Variants in DPY19L2 observed in about 807,000 individuals in gnomAD.
DPY19L2 encodes dpy-19 like 2, also known as probable C-mannosyltransferase DPY19L2.
Under a neutral mutation model 97.9 loss-of-function variants are expected in DPY19L2, and 34 were observed. The observed-to-expected ratio is 0.35, with a 90% CI of 0.26 to 0.46. DPY19L2 has a LOEUF of 0.46. DPY19L2 is among the 20% of genes least tolerant of loss of function. DPY19L2 has a pLI of 1.00. For missense variants in DPY19L2, 623 were observed against 911.4 expected, an observed-to-expected ratio of 0.68 and a Z score of 4.07; for synonymous variants, 230 against 307.9, an observed-to-expected ratio of 0.75 and a Z score of 2.65.
intron 16 of DPY19L2, among the ~76,000 whole-genome samples, chr12:63,592,661 C>T (rs1264598820): frequency 4.8e-5 from 7 of 145,118 alleles, no homozygotes; most frequent in Non-Finnish European, 1.1e-4. Flanking sequence ...AAGACTTAAA[C>T]GTTAGACCTA....
intron 19 of DPY19L2, among the ~76,000 whole-genome samples, chr12:63,574,210 CT>C (rs1367818565): frequency 6.6e-6 from 1 of 151,916 alleles, no homozygotes; most frequent in Non-Finnish European, 1.5e-5. Context: ...TATTAGCTTT[CT>C]TTTGGCTTAT....
intron 4 of DPY19L2, among the ~76,000 whole-genome samples, chr12:63,648,482 A>T (rs1287546954): frequency 6.6e-6 from 1 of 151,344 alleles, no homozygotes; most frequent in Non-Finnish European, 1.5e-5. Flanking sequence ...GCTGGAGTGC[A>T]GTGGCATGAT....
At chr12:63,562,188 C>T (rs1367072381) in intron 21 of DPY19L2, among the ~76,000 whole-genome samples, 3 of 152,128 alleles carry the variant, frequency 2.0e-5, no homozygotes, top group African/African-American at 7.2e-5. Context: ...TAGGTATACA[C>T]TTGTAAAACA....
intron 16 of DPY19L2, 191 bp from the exon 17 acceptor site, chr12:63,584,027 T>C: frequency 3.7e-6 from 2 of 542,672 alleles, no homozygotes; most frequent in South Asian, 2.4e-5. Flanking sequence ...TCATAATTTA[T>C]AGTCATCCTA....
intron 16 of DPY19L2, among the ~76,000 whole-genome samples, chr12:63,591,430 A>T (rs1882882321): frequency 6.6e-6 from 1 of 152,220 alleles, no homozygotes; most frequent in Non-Finnish European, 1.5e-5. Context: ...ATATACCCAT[A>T]TAACAAGACT....
At chr12:63,615,913 C>A (rs2137739052) in intron 11 of DPY19L2, among the ~76,000 whole-genome samples, 1 of 151,948 alleles carries the variant, frequency 6.6e-6, no homozygotes, top group South Asian at 2.1e-4. Context: ...ATTCAACCAA[C>A]AGCAGATAGA....
At chr12:63,654,137 G>A (rs1401415590) in intron 4 of DPY19L2, among the ~76,000 whole-genome samples, 3 of 151,986 alleles carry the variant, frequency 2.0e-5, no homozygotes, top group East Asian at 1.9e-4. Context: ...GAACATCAAA[G>A]AGGAAGAAAT....
chr12:63,600,451 T>C (rs1884949111), intron 12 of DPY19L2, 65 bp from the exon 13 acceptor site: 1 of 1,284,388 alleles, frequency 7.8e-7, no homozygotes, highest in Non-Finnish European at 1.1e-6. Context: ...TATTCAATTA[T>C]GTCTACAAAT....
At chr12:63,594,226 A>G in intron 15 of DPY19L2, 93 bp from the exon 16 acceptor site, 1 of 989,826 alleles carries the variant, frequency 1.0e-6, no homozygotes, top group South Asian at 1.6e-5. Flanking sequence ...CTGCCAAGGA[A>G]AGAAGTATTT....
In DPY19L2 at chr12:63,628,114, C is replaced by T. The variant is rs550503415; in HGVS notation, c.804-1588G>A. ...AGCCAAGATGGCCGAATAGGAACAG[C>T]TCCAGTCTACAGCTCCCAGCATGAG... On this transcript the variant is annotated intron_variant, in intron 6 of 21. Coordinates refer to ENST00000324472, the MANE Select transcript of DPY19L2 (RefSeq NM_173812.5). 3.3e-5 allele frequency among the ~76,000 whole-genome samples: 5 copies of T among 152,236 alleles called. No individual in the cohort carries two copies. The East Asian group carries it at 7.7e-4, about 24-fold the overall frequency.
rs1895867674 is a variant in DPY19L2, at chr12:63,662,888, G to A, written c.450+870C>T. On this transcript the variant is annotated intron_variant, in intron 3 of 21. Coordinates refer to ENST00000324472, the MANE Select transcript of DPY19L2 (RefSeq NM_173812.5). ...GCAGTGACTGAGGGGCCTGGCATAG[G>A]CAAAATCACAGAGACAGAAAATAGA... is the stretch of plus-strand genomic sequence containing the variant. Among the ~76,000 whole-genome samples the A allele has an allele frequency of 2.0e-5, 3 of 152,278 alleles. No homozygotes were observed. The South Asian group carries it at 6.2e-4, about 32-fold the overall frequency.
intron 6 of DPY19L2, among the ~76,000 whole-genome samples, chr12:63,638,180 A>T (rs886446965): frequency 5.3e-5 from 8 of 152,176 alleles, no homozygotes; most frequent in African/African-American, 1.9e-4. Flanking sequence ...AAAAACTCTC[A>T]ATAAACTAGG....
intron 16 of DPY19L2, chr12:63,591,188 C>T (rs767643094): frequency 3.8e-4 from 170 of 442,344 alleles, no homozygotes; most frequent in Non-Finnish European, 6.6e-4. Flanking sequence ...TCAACAGATG[C>T]ACCTAAGAGC....
At chr12:63,654,282 TG>T (rs1467505899) in intron 4 of DPY19L2, among the ~76,000 whole-genome samples, 1 of 152,082 alleles carries the variant, frequency 6.6e-6, no homozygotes, top group African/African-American at 2.4e-5. Context: ...TGTAATAAAT[TG>T]TGTTAATACA....
chr12:63,568,835 G>A (rs1878255588), intron 21 of DPY19L2, among the ~76,000 whole-genome samples: 1 of 151,906 alleles, frequency 6.6e-6, no homozygotes, highest in African/African-American at 2.4e-5. Flanking sequence ...TTTGGGTTTT[G>A]TCACTTTTCT....
intron 21 of DPY19L2, 104 bp from the exon 22 acceptor site, chr12:63,560,766 T>G (rs1434381313): frequency 7.0e-7 from 1 of 1,424,242 alleles, no homozygotes; most frequent in Non-Finnish European, 9.4e-7. Flanking sequence ...ATTTCATAAG[T>G]TAAATATTTT....
At chr12:63,642,897 G>A (rs1054971981) in intron 6 of DPY19L2, among the ~76,000 whole-genome samples, 14 of 152,164 alleles carry the variant, frequency 9.2e-5, no homozygotes, top group Middle Eastern at 3.4e-3. Flanking sequence ...ATCAATGAAC[G>A]TGGAATATCT....
rs1465917278 is a variant in DPY19L2, at chr12:63,594,073, G to T, written c.1580+14C>A. ...GAATACTGTATGTTTTAAAAACAAT[G>T]ATGATATAATTACCTTAGATAAATG... On this transcript the variant is annotated intron_variant, in intron 16 of 21. Coordinates refer to ENST00000324472, the MANE Select transcript of DPY19L2 (RefSeq NM_173812.5). The T allele has an allele frequency of 1.4e-6, 2 of 1,477,484 alleles. No homozygotes were observed. Among genetic ancestry groups the T allele is most frequent in the Non-Finnish European group, 9.3e-7 (1 of 1,078,168 alleles). The allele number at this position is 1,477,484 out of a possible 1,614,324, so 91.5% of individuals were successfully genotyped here.
intron 4 of DPY19L2, among the ~76,000 whole-genome samples, chr12:63,656,287 T>C (rs371467833): frequency 5.8e-4 from 89 of 152,290 alleles, no homozygotes; most frequent in African/African-American, 2.1e-3. Context: ...GCTGGTTTTG[T>C]TCTCAATTCA....
Sources: allele counts gnomAD v4.1 joint callset (sites outside exome capture counted in the v4.1 genomes callset), GRCh38; gene constraint gnomAD v4.1.1; transcripts MANE v1.5; gene names NCBI Gene and HGNC (gene_info 2026-07-23, HGNC 2026-07-21).